The following ARHGEF28 variants were observed in gnomAD, a reference collection of about 807,000 sequenced individuals.
The protein encoded by ARHGEF28 is 190 kDa guanine nucleotide exchange factor.
Under a neutral mutation model 206.6 loss-of-function variants are expected in ARHGEF28, and 152 were observed. That is an observed-to-expected ratio of 0.74 (90% confidence interval 0.64 to 0.84). The LOEUF (loss-of-function observed/expected upper bound fraction) is 0.84. Ranked by LOEUF, ARHGEF28 falls within the 40% of genes least tolerant of loss-of-function variation. The probability of loss-of-function intolerance (pLI) is 0.00; values close to 1 mark genes in which losing one functional copy is unlikely to be tolerated. For missense variants in ARHGEF28, 2,028 were observed against 2,073.2 expected, an observed-to-expected ratio of 0.98 and a Z score of 0.42; for synonymous variants, 763 against 776.4, an observed-to-expected ratio of 0.98 and a Z score of 0.29.
At chr5:73,852,273 T>G (rs1758751393) in intron 13 of ARHGEF28, among the ~76,000 whole-genome samples, 1 of 152,208 alleles carries the variant, frequency 6.6e-6, no homozygotes, top group African/African-American at 2.4e-5. Flanking sequence ...AAGCAGTTAT[T>G]TATTGGTTCT....
chr5:73,695,464 C>T (rs17664602), intron 2 of ARHGEF28, among the ~76,000 whole-genome samples: 6,113 of 152,212 alleles, frequency 0.04, 255 homozygotes, highest in East Asian at 0.16. Context: ...CAGGCCTCGT[C>T]TTCCATTTCC....
chr5:73,941,118 T>TAAG lies in ARHGEF28; in HGVS notation c.*108_*110dup, dbSNP rs1742590375. 10 of 1,134,588 alleles carry TAAG rather than the reference T, an allele frequency of 8.8e-6. No homozygotes were observed. The highest frequency in any genetic ancestry group is 1.1e-5 in the Non-Finnish European group (10 of 875,416). 70.3% of individuals were successfully genotyped at this position (1,134,588 alleles called of 1,614,324 possible). A position where few individuals can be genotyped will look rare whatever the true frequency, so the allele number is the denominator to read the frequency against. On this transcript the variant is annotated 3_prime_UTR_variant, in exon 36 of 36. Coordinates refer to ENST00000513042, the MANE Select transcript of ARHGEF28 (RefSeq NM_001177693.2). Reference sequence around the variant, plus strand: ...GTGATTGTCTGTGTCCAAATTGCTTTAAGAATAATATTTAATATTTCCTGG... The same window carrying TAAG: ...GTGATTGTCTGTGTCCAAATTGCTTTAAGAAGAATAATATTTAATATTTCCTGG...
chr5:73,633,912 C>T (rs1322525448), intron 1 of ARHGEF28, among the ~76,000 whole-genome samples: 4 of 152,014 alleles, frequency 2.6e-5, no homozygotes, highest in East Asian at 3.9e-4. Flanking sequence ...TGAGTTTCCA[C>T]GTTCATAGTC....
chr5:73,904,181 G>A (rs1383572451), intron 31 of ARHGEF28, 41 bp from the exon 32 acceptor site: 1 of 1,605,462 alleles, frequency 6.2e-7, no homozygotes, highest in East Asian at 2.2e-5. Context: ...CTTTTCAGAA[G>A]TAGAATGGTT....
chr5:73,891,945 G>A (rs1761668516), intron 26 of ARHGEF28, 107 bp from the exon 27 acceptor site: 3 of 965,060 alleles, frequency 3.1e-6, no homozygotes, highest in Non-Finnish European at 3.0e-6. Flanking sequence ...AAGATTGGAA[G>A]TGGAGAAAGG....
chr5:73,641,189 A>G (rs1744068806), intron 1 of ARHGEF28, among the ~76,000 whole-genome samples: 1 of 152,246 alleles, frequency 6.6e-6, no homozygotes, highest in African/African-American at 2.4e-5. Flanking sequence ...TCCCTCTTTC[A>G]GGAAAAATGA....
At chr5:73,638,622 A>G (rs146016372) in intron 1 of ARHGEF28, among the ~76,000 whole-genome samples, 37 of 152,358 alleles carry the variant, frequency 2.4e-4, no homozygotes, top group African/African-American at 8.4e-4. Context: ...TGTTGTGAAT[A>G]TAGTGAGTAC....
chr5:73,677,608 G>A (rs964685164), intron 1 of ARHGEF28, among the ~76,000 whole-genome samples: 2 of 152,122 alleles, frequency 1.3e-5, no homozygotes, highest in African/African-American at 4.8e-5. Flanking sequence ...GTTTAAAATA[G>A]TCTAATACTT....
Position 73,921,153 on chromosome 5 carries a change from G to T in ARHGEF28, c.4948+9578G>T, listed in dbSNP as rs572322818. On this transcript the variant is annotated intron_variant, in intron 35 of 35. Transcript: ENST00000513042. Reference sequence around the variant, plus strand: ...CCTAGAATGTGAACCAATTTCCCTGGCATGGCCTTCTAGGTATCAGCCTTA... The same window carrying T: ...CCTAGAATGTGAACCAATTTCCCTGTCATGGCCTTCTAGGTATCAGCCTTA... 2.0e-5 allele frequency among the ~76,000 whole-genome samples: 3 copies of T among 152,268 alleles called. No homozygotes were observed. In the South Asian group the frequency reaches 6.2e-4, roughly 32 times the overall value.
Position 73,867,134 on chromosome 5 carries a change from C to A in ARHGEF28, c.2153-742C>A, listed in dbSNP as rs118148102. 2.5e-3 allele frequency among the ~76,000 whole-genome samples: 383 copies of A among 152,272 alleles called. 9 individuals carry two copies. The East Asian group carries it at 0.065, about 26-fold the overall frequency. On this transcript the variant is annotated intron_variant, in intron 18 of 35. Coordinates refer to ENST00000513042, the MANE Select transcript of ARHGEF28 (RefSeq NM_001177693.2). ...ATTGATGAAATACCACATATTACTCCTCTTCACATGGGAGTCATAAGAACA... is the reference window on the plus strand; with the variant it reads ...ATTGATGAAATACCACATATTACTCATCTTCACATGGGAGTCATAAGAACA...
At chr5:73,895,385 G>C (rs1761904512) in intron 29 of ARHGEF28, among the ~76,000 whole-genome samples, 1 of 152,058 alleles carries the variant, frequency 6.6e-6, no homozygotes, top group Non-Finnish European at 1.5e-5. Flanking sequence ...AGTGGGAGGG[G>C]GAGAACTTGT....
At chr5:73,818,723 G>A (rs1756388234) in intron 9 of ARHGEF28, among the ~76,000 whole-genome samples, 1 of 152,092 alleles carries the variant, frequency 6.6e-6, no homozygotes, top group Non-Finnish European at 1.5e-5. Context: ...TACCCTCAAA[G>A]CTCCCTTTAG....
intron 35 of ARHGEF28, among the ~76,000 whole-genome samples, chr5:73,929,127 C>A (rs1763974333): frequency 6.6e-6 from 1 of 152,084 alleles, no homozygotes; most frequent in East Asian, 1.9e-4. Flanking sequence ...TGATTATTTA[C>A]AAATTGACTT....
chr5:73,892,366 TAGCCCCCCATCTGC>T lies in ARHGEF28; in HGVS notation c.3566+140_3566+153del, dbSNP rs1374121938. On this transcript the variant is annotated intron_variant, in intron 27 of 35. Coordinates refer to ENST00000513042, the MANE Select transcript of ARHGEF28 (RefSeq NM_001177693.2). ...CCCTGCCCCCTGCACCTGCCTGCGA[TAGCCCCCCATCTGC>T]AGCTTTCTCCTCCACGCCTCCCTGC... The T allele has an allele frequency of 7.6e-6, 7 of 920,284 alleles. No homozygotes were observed. The East Asian group carries it at 1.9e-4, about 25-fold the overall frequency. 57.0% of individuals were successfully genotyped at this position (920,284 alleles called of 1,614,324 possible). A position where few individuals can be genotyped will look rare whatever the true frequency, so the allele number is the denominator to read the frequency against.
Position 73,910,381 on chromosome 5 carries a change from CAAAAAAAA to C in ARHGEF28, c.4647+502_4647+509del, listed in dbSNP as rs60086897. 6.4e-4 allele frequency among the ~76,000 whole-genome samples: 20 copies of C among 31,010 alleles called. 1 individual carries two copies. Among genetic ancestry groups the C allele is most frequent in the African/African-American group, 2.9e-3 (19 of 6,464 alleles). The allele number at this position is 31,010 out of a possible 152,430, so 20.3% of individuals were successfully genotyped here. A position where few individuals can be genotyped will look rare whatever the true frequency, so the allele number is the denominator to read the frequency against. On this transcript the variant is annotated intron_variant, in intron 34 of 35. Transcript: ENST00000513042. Reference sequence around the variant, plus strand: ...GGGTGACAAAAGTAAAACACCATCTCAAAAAAAAAAAAAAAAAAAAAAAAAGGACAATG... The same window carrying C: ...GGGTGACAAAAGTAAAACACCATCTCAAAAAAAAAAAAAAAAAGGACAATG...
chr5:73,867,785 T>G (rs1759802177), intron 18 of ARHGEF28, 91 bp from the exon 19 acceptor site: 10 of 1,534,118 alleles, frequency 6.5e-6, no homozygotes, highest in Admixed American at 5.3e-5. Flanking sequence ...AAGTAGTCAT[T>G]GCAGGGTTTA....
At chr5:73,749,768 C>T (rs1317408315) in intron 2 of ARHGEF28, 69 bp from the exon 3 acceptor site, 1 of 1,565,736 alleles carries the variant, frequency 6.4e-7, no homozygotes, top group African/African-American at 1.4e-5. Flanking sequence ...GACCCAGGTC[C>T]TTTGTATTGT....
intron 22 of ARHGEF28, among the ~76,000 whole-genome samples, chr5:73,875,900 C>A (rs924494984): frequency 6.6e-6 from 1 of 152,038 alleles, no homozygotes; most frequent in Non-Finnish European, 1.5e-5. Context: ...CTTGGCGATG[C>A]GGGCTCTTTT....
rs186845802 is a variant in ARHGEF28, at chr5:73,712,330, C to G, written c.33+27446C>G. On this transcript the variant is annotated intron_variant, in intron 2 of 35. Coordinates refer to ENST00000513042, the MANE Select transcript of ARHGEF28 (RefSeq NM_001177693.2). ...ATTCCATATAAGTAGACTAGGAACC[C>G]TTTGTCCTTGTGAATTGTGAGGGAA... Among the ~76,000 whole-genome samples the G allele has an allele frequency of 2.6e-5, 4 of 152,174 alleles. No homozygotes were observed. In the East Asian group the frequency reaches 7.7e-4, roughly 29 times the overall value.
Sources: gnomAD v4.1 joint callset for allele counts (sites outside exome capture counted in the v4.1 genomes callset) on GRCh38, gnomAD v4.1.1 for gene constraint, MANE v1.5 for transcripts, NCBI Gene and HGNC (gene_info 2026-07-23, HGNC 2026-07-21) for gene names.